Variants in LGI1 observed in about 807,000 individuals in gnomAD.
LGI1 encodes the protein leucine-rich glioma-inactivated protein 1.
A neutral mutation model predicts 57.7 loss-of-function variants in LGI1; 11 were observed. The ratio of observed to expected loss-of-function variants is 0.19; its 90% CI spans 0.12 to 0.32. The LOEUF (loss-of-function observed/expected upper bound fraction) is 0.32, where lower values mean the gene tolerates loss of function less well. Among genes scored for constraint, LGI1 ranks in the 10% least tolerant of loss-of-function variants. LGI1 has a pLI of 1.00. For missense variants in LGI1, 422 were observed against 661.9 expected (o/e 0.64, Z 3.98); for synonymous variants, 222 against 241.9 (o/e 0.92, Z 0.76).
At chr10:93,778,345 TCACACA>T (rs60017902) in intron 4 of LGI1, among the ~76,000 whole-genome samples, 47,256 of 148,442 alleles carry the variant, frequency 0.32, 7,553 homozygotes, top group South Asian at 0.44. Flanking sequence ...ACAAACACAT[TCACACA>T]CACACACACA....
chr10:93,797,675 G>A lies in LGI1; in HGVS notation c.1546G>A (p.Glu516Lys). The change falls in exon 8 of 8, where the codon GAA becomes AAA. Residue 516 changes from glutamate to lysine, a missense_variant. This residue lies in a region of LGI1 where 301 missense variants were observed against 461.7 expected (regional missense o/e 0.65). Transcript: ENST00000371418. The surrounding 1 kb of genome is among the most constrained non-coding windows in gnomAD (Gnocchi z 6.5). ...GAAAGCCAAATTTGTGAAATTTCAGGAATTAAATGTTCAGGCACCAAGATC... is the reference window on the plus strand; with the variant it reads ...GAAAGCCAAATTTGTGAAATTTCAGAAATTAAATGTTCAGGCACCAAGATC... ...AEKAKFVKFQ[E>K]LNVQAPRSFT... is the part of the protein sequence containing the mutation. 1 of 1,613,930 alleles carries A rather than the reference G, an allele frequency of 6.2e-7. No homozygotes were observed. The highest frequency in any genetic ancestry group is 8.5e-7 in the Non-Finnish European group (1 of 1,179,952).
intron 5 of LGI1, 51 bp from the exon 6 acceptor site, chr10:93,792,692 T>C: frequency 6.3e-7 from 1 of 1,576,908 alleles, no homozygotes; most frequent in Non-Finnish European, 8.7e-7. Flanking sequence ...AACTCTTTCC[T>C]GCGTGGGTAG....
chr10:93,783,131 A>C (rs1028731814), intron 4 of LGI1: 1 of 142,918 alleles, frequency 7.0e-6, no homozygotes, highest in Non-Finnish European at 1.5e-5. Flanking sequence ...TAATCCCAGC[A>C]CTTTGGGAGG....
At position 93,784,806 on chromosome 10, in the gene LGI1, C is replaced by T. The variant is rs532256282; in HGVS notation, c.432-5293C>T. 2.0e-5 allele frequency among the ~76,000 whole-genome samples: 3 copies of T among 152,176 alleles called. No homozygotes were observed. The East Asian group carries it at 5.8e-4, about 29-fold the overall frequency. ...TCCCCTACTGCAATTCAGGGTGACA[C>T]TCTCTCAAGTCGTGACACTCTCTCT... On this transcript the variant is annotated intron_variant, in intron 4 of 7. Coordinates refer to ENST00000371418, the MANE Select transcript of LGI1 (RefSeq NM_005097.4).
intron 7 of LGI1, among the ~76,000 whole-genome samples, chr10:93,796,013 T>C (rs1330505274): frequency 1.3e-5 from 2 of 152,254 alleles, no homozygotes; most frequent in African/African-American, 4.8e-5. Context: ...GTCTCTGGAT[T>C]TTCTAGAGCC....
At chr10:93,774,251 T>C (rs2059770073) in intron 2 of LGI1, among the ~76,000 whole-genome samples, 1 of 152,076 alleles carries the variant, frequency 6.6e-6, no homozygotes, top group Non-Finnish European at 1.5e-5. Flanking sequence ...GTAACCCAGG[T>C]GACACCCCAC....
chr10:93,762,378 G>C (rs1286763787), intron 2 of LGI1: 2 of 152,152 alleles, frequency 1.3e-5, no homozygotes, highest in Admixed American at 6.6e-5. Context: ...AAAGCAAAAG[G>C]CATGAACAAA....
At chr10:93,796,861 CTT>C in intron 7 of LGI1, 105 bp from the exon 8 acceptor site, 1 of 916,136 alleles carries the variant, frequency 1.1e-6, no homozygotes, top group Non-Finnish European at 1.7e-6. Context: ...AAGGAGATCT[CTT>C]GTTTCAGGCT....
Position 93,767,591 on chromosome 10 carries a change from T to C in LGI1, c.287+8760T>C, listed in dbSNP as rs550557200. 9 of 152,326 alleles carry C rather than the reference T, an allele frequency of 5.9e-5. No homozygotes were observed. In the South Asian group the frequency reaches 1.9e-3, roughly 32 times the overall value. The allele number at this position is 152,326 out of a possible 1,614,324, so 9.4% of individuals were successfully genotyped here. A position where few individuals can be genotyped will look rare whatever the true frequency, so the allele number is the denominator to read the frequency against. On this transcript the variant is annotated intron_variant, in intron 2 of 7. Coordinates refer to ENST00000371418, the MANE Select transcript of LGI1 (RefSeq NM_005097.4). ...GTACCCCACCTCATTCTAGAGAGGT[T>C]GGATAGCAAAGGATACGCAGGTGGA...
Position 93,758,696 on chromosome 10 carries a change from CTGTG to C in LGI1, c.216-54_216-51del. The stretch of plus-strand genomic sequence containing the variant: ...AAACCGGATTAACATAAGGTTTGTT[CTGTG>C]TGTGTGTGTCTCTTTGTGTGTGTCT... On this transcript the variant is annotated intron_variant, in intron 1 of 7. Transcript: ENST00000371418. The surrounding 1 kb of genome is among the most constrained non-coding windows in gnomAD (Gnocchi z 4.7). 1 of 1,133,874 alleles carries C rather than the reference CTGTG, an allele frequency of 8.8e-7. No homozygotes were observed. The highest frequency in any genetic ancestry group is 1.3e-6 in the Non-Finnish European group (1 of 752,714). The allele number at this position is 1,133,874 out of a possible 1,614,324, so 70.2% of individuals were successfully genotyped here. A position where few individuals can be genotyped will look rare whatever the true frequency, so the allele number is the denominator to read the frequency against.
chr10:93,772,202 T>C (rs2059748557), intron 2 of LGI1, among the ~76,000 whole-genome samples: 1 of 152,174 alleles, frequency 6.6e-6, no homozygotes, highest in Admixed American at 6.6e-5. Flanking sequence ...TCAAAGGACA[T>C]GATTTCATAG....
At chr10:93,786,482 G>A (rs1161418094) in intron 4 of LGI1, among the ~76,000 whole-genome samples, 1 of 47,374 alleles carries the variant, frequency 2.1e-5, no homozygotes, top group African/African-American at 2.9e-5. Flanking sequence ...ACACAGAAAA[G>A]TGAAAGATTC....
At chr10:93,796,260 T>C (rs1012223119) in intron 7 of LGI1, among the ~76,000 whole-genome samples, 2 of 152,234 alleles carry the variant, frequency 1.3e-5, no homozygotes, top group Non-Finnish European at 2.9e-5. Flanking sequence ...TCTCCTTTCT[T>C]TGCAGGGGAA....
rs2134001421 is a variant in LGI1 at position 93,777,588 on chromosome 10, T to C, written c.402T>C (p.Thr134=). Residue 134 remains threonine (T), a synonymous_variant, in exon 4 of 8, where the codon ACT becomes ACC. Transcript: ENST00000371418. The stretch of plus-strand genomic sequence containing the variant: ...ACATCAAGTCAATTTCAAGACATAC[T>C]TTCCGGGGACTAAAGTCATTAATTC... The part of the protein sequence containing the change: ...NNNIKSISRH[T]FRGLKSLIHL... 1 of 1,613,544 alleles carries C rather than the reference T, an allele frequency of 6.2e-7. No individual in the cohort carries two copies. The highest frequency in any genetic ancestry group is 8.5e-7 in the Non-Finnish European group (1 of 1,179,504).
At chr10:93,768,436 G>T (rs915519771) in intron 2 of LGI1, 2 of 150,356 alleles carry the variant, frequency 1.3e-5, no homozygotes, top group Non-Finnish European at 2.9e-5. Flanking sequence ...GTATTCATTT[G>T]AGGATTAAAA....
intron 7 of LGI1, 46 bp downstream of exon 7, chr10:93,793,396 C>T (rs373818254): frequency 1.3e-6 from 2 of 1,496,596 alleles, no homozygotes. Context: ...TAAACTGCTT[C>T]AGCCAAGGGC....
chr10:93,766,858 T>G (rs975733325), intron 2 of LGI1: 2 of 152,172 alleles, frequency 1.3e-5, no homozygotes, highest in Non-Finnish European at 2.9e-5. Context: ...GAGGTAGATA[T>G]AATTATCTCC....
intron 7 of LGI1, among the ~76,000 whole-genome samples, chr10:93,796,333 A>G (rs2059979242): frequency 1.3e-5 from 2 of 152,220 alleles, no homozygotes; most frequent in Non-Finnish European, 2.9e-5. Flanking sequence ...CAGTAGAGCC[A>G]TGGGCTACCC....
chr10:93,762,913 C>G (rs772284323), intron 2 of LGI1: 1 of 152,192 alleles, frequency 6.6e-6, no homozygotes, highest in Non-Finnish European at 1.5e-5. Context: ...TTCAGTTATT[C>G]AGGCAAGAAA....
Sources: gnomAD v4.1 joint callset for allele counts (sites outside exome capture counted in the v4.1 genomes callset) on GRCh38, gnomAD v4.1.1 for gene constraint, gnomAD v4.1.1 regional missense constraint, Gnocchi (gnomAD v3.1) non-coding constraint, MANE v1.5 for transcripts, NCBI Gene and HGNC (gene_info 2026-07-23, HGNC 2026-07-21) for gene names.